SULT2B1: variants seen among roughly 807,000 people sequenced by gnomAD.
SULT2B1 encodes the protein sulfotransferase 2B1.
Under a neutral mutation model 33.2 loss-of-function variants are expected in SULT2B1, and 16 were observed. The ratio of observed to expected loss-of-function variants is 0.48; its 90% CI spans 0.33 to 0.73. The LOEUF (loss-of-function observed/expected upper bound fraction) is 0.73, where lower values mean the gene tolerates loss of function less well. Among genes scored for constraint, SULT2B1 ranks in the 30% least tolerant of loss-of-function variants. The probability of loss-of-function intolerance (pLI) is 0.02; values close to 1 mark genes in which losing one functional copy is unlikely to be tolerated. For synonymous variants in SULT2B1, 186 were observed against 200.5 expected (o/e 0.93, Z 0.61); for missense variants, 500 against 506.0 (o/e 0.99, Z 0.11).
chr19:48,562,354 C>A (rs1270022795), intron 1 of SULT2B1, among the ~76,000 whole-genome samples: 1 of 151,554 alleles, frequency 6.6e-6, no homozygotes, highest in African/African-American at 2.4e-5. Flanking sequence ...CCATTGCACT[C>A]CAGCCTGGGC....
At chr19:48,594,346 T>C (rs1187495460) in intron 5 of SULT2B1, among the ~76,000 whole-genome samples, 1 of 152,214 alleles carries the variant, frequency 6.6e-6, no homozygotes, top group Admixed American at 6.5e-5. Context: ...ACGAGGAAAC[T>C]GGAGGTTTGT....
intron 5 of SULT2B1, chr19:48,596,493 G>T: frequency 2.3e-6 from 1 of 427,736 alleles, no homozygotes; most frequent in Non-Finnish European, 4.0e-6. Flanking sequence ...TCTGCCCCCT[G>T]CTGTGACCTC....
chr19:48,598,777 G>A (rs529822896), intron 6 of SULT2B1, among the ~76,000 whole-genome samples: 1 of 152,206 alleles, frequency 6.6e-6, no homozygotes, highest in East Asian at 1.9e-4. Flanking sequence ...AGCAGGGGAG[G>A]TTTGGGACTG....
chr19:48,556,882 G>A (rs943784279), intron 1 of SULT2B1, among the ~76,000 whole-genome samples: 3 of 151,812 alleles, frequency 2.0e-5, no homozygotes, highest in Admixed American at 6.6e-5. Context: ...CCCAGGAGGC[G>A]GAAGTTGCAG....
intron 1 of SULT2B1, among the ~76,000 whole-genome samples, chr19:48,553,115 AG>A (rs1022256822): frequency 6.6e-6 from 1 of 151,858 alleles, no homozygotes; most frequent in African/African-American, 2.4e-5. Context: ...AGGGGAGCGC[AG>A]AGGCCCAGAG....
intron 1 of SULT2B1, among the ~76,000 whole-genome samples, chr19:48,559,435 A>AT (rs1001578853): frequency 6.6e-6 from 1 of 152,064 alleles, no homozygotes; most frequent in African/African-American, 2.4e-5. Context: ...CAGTGGCGTG[A>AT]TTTTAGCTCA....
chr19:48,565,758 TG>T (rs1033004408), intron 1 of SULT2B1, among the ~76,000 whole-genome samples: 3 of 114,154 alleles, frequency 2.6e-5, no homozygotes, highest in African/African-American at 7.7e-5. Flanking sequence ...GCTAGTTTTT[TG>T]TTTGTTTGTT....
intron 1 of SULT2B1, among the ~76,000 whole-genome samples, chr19:48,563,299 C>T (rs1370475002): frequency 2.0e-5 from 3 of 152,094 alleles, no homozygotes; most frequent in Non-Finnish European, 4.4e-5. Context: ...CAATTCTGTT[C>T]CTAGTTATTT....
chr19:48,592,870 C>T, intron 5 of SULT2B1, 54 bp downstream of exon 5: 6 of 1,451,462 alleles, frequency 4.1e-6, no homozygotes, highest in East Asian at 2.5e-5. Context: ...TCTGCTCACA[C>T]CCCACACTCT....
chr19:48,559,285 C>T (rs900710450), intron 1 of SULT2B1, among the ~76,000 whole-genome samples: 1 of 152,160 alleles, frequency 6.6e-6, no homozygotes, highest in South Asian at 2.1e-4. Context: ...GGCCTGTGTA[C>T]GGACTGGCAG....
intron 1 of SULT2B1, among the ~76,000 whole-genome samples, chr19:48,564,659 GTTT>G (rs1297237711): frequency 6.6e-6 from 1 of 151,592 alleles, no homozygotes; most frequent in Non-Finnish European, 1.5e-5. Context: ...AAAATTTGGG[GTTT>G]TTTAAATTTT....
At chr19:48,597,654 C>CTTTTT (rs372246428) in intron 6 of SULT2B1, among the ~76,000 whole-genome samples, 6 of 124,220 alleles carry the variant, frequency 4.8e-5, no homozygotes, top group Admixed American at 8.7e-5. Context: ...TTTCTTTTTT[C>CTTTTT]TTTTTTGAGA....
At chr19:48,553,087 C>T (rs1450221829) in intron 1 of SULT2B1, among the ~76,000 whole-genome samples, 1 of 152,158 alleles carries the variant, frequency 6.6e-6, no homozygotes, top group Non-Finnish European at 1.5e-5. Context: ...TACACCCCTC[C>T]CCGTGGCTCC....
chr19:48,593,721 A>G (rs1028167849), intron 5 of SULT2B1, among the ~76,000 whole-genome samples: 4 of 149,986 alleles, frequency 2.7e-5, no homozygotes, highest in South Asian at 2.1e-4. Context: ...CGCAACCTCC[A>G]ACTCCCACGT....
chr19:48,565,329 TG>T (rs371988348), intron 1 of SULT2B1, among the ~76,000 whole-genome samples: 1 of 151,162 alleles, frequency 6.6e-6, no homozygotes, highest in Non-Finnish European at 1.5e-5. Flanking sequence ...TATTTGTTTA[TG>T]GGGGGGTGTG....
At chr19:48,559,251 G>T (rs149256732) in intron 1 of SULT2B1, among the ~76,000 whole-genome samples, 4 of 152,094 alleles carry the variant, frequency 2.6e-5, no homozygotes, top group Non-Finnish European at 4.4e-5. Context: ...TCTTTGGGGT[G>T]GGGGGAGGCA....
At chr19:48,563,712 C>A (rs1973208143) in intron 1 of SULT2B1, among the ~76,000 whole-genome samples, 1 of 152,076 alleles carries the variant, frequency 6.6e-6, no homozygotes, top group South Asian at 2.1e-4. Flanking sequence ...CACTTGTAAT[C>A]CCAGCACTTT....
At chr19:48,554,654 CTTTTTTTTTTTTT>C (rs3859436) in intron 1 of SULT2B1, among the ~76,000 whole-genome samples, 2 of 13,568 alleles carry the variant, frequency 1.5e-4, no homozygotes, top group African/African-American at 1.0e-3. Flanking sequence ...TACTCTACTG[CTTTTTTTTTTTTT>C]TTTTTTTTTT....
At chr19:48,580,351 A>G (rs1390992791) in intron 2 of SULT2B1, among the ~76,000 whole-genome samples, 2 of 145,906 alleles carry the variant, frequency 1.4e-5, no homozygotes, top group Non-Finnish European at 3.0e-5. Flanking sequence ...CTCTGCCTCC[A>G]CAGGTTCAAA....
Sources: allele counts gnomAD v4.1 joint callset (sites outside exome capture counted in the v4.1 genomes callset), GRCh38; gene constraint gnomAD v4.1.1; transcripts MANE v1.5; gene names NCBI Gene and HGNC (gene_info 2026-07-23, HGNC 2026-07-21).